The following ZFAND3 variants were observed in gnomAD, a reference collection of about 807,000 sequenced individuals.
The protein encoded by ZFAND3 is zinc finger AN1-type containing 3, also known as AN1-type zinc finger protein 3.
In ZFAND3, 10 loss-of-function variants were observed where a neutral mutation model predicts 29.6. The observed-to-expected ratio is 0.34, with a 90% CI of 0.21 to 0.57. ZFAND3 has a LOEUF of 0.57. Among genes scored for constraint, ZFAND3 ranks in the 20% least tolerant of loss-of-function variants. ZFAND3 has a pLI of 0.86. For missense variants in ZFAND3, 230 were observed against 304.5 expected (o/e 0.76, Z 1.82); for synonymous variants, 128 against 112.6 (o/e 1.14, Z -0.87).
At chr6:37,958,025 T>G (rs1475490869) in intron 2 of ZFAND3, among the ~76,000 whole-genome samples, 2 of 152,228 alleles carry the variant, frequency 1.3e-5, no homozygotes, top group Non-Finnish European at 2.9e-5. Flanking sequence ...TTTGGATTTT[T>G]TTTTCTTGGA....
chr6:38,049,295 A>G (rs1399236480), intron 2 of ZFAND3, among the ~76,000 whole-genome samples: 1 of 152,248 alleles, frequency 6.6e-6, no homozygotes, highest in Non-Finnish European at 1.5e-5. Flanking sequence ...AATAGCAATC[A>G]TGGTTAATCC....
At chr6:37,968,689 C>A (rs936538326) in intron 2 of ZFAND3, among the ~76,000 whole-genome samples, 3 of 152,080 alleles carry the variant, frequency 2.0e-5, no homozygotes, top group South Asian at 4.2e-4. Flanking sequence ...TATTCAAACC[C>A]TTCCCCCTTC....
chr6:37,981,942 A>G (rs2127432629), intron 2 of ZFAND3, among the ~76,000 whole-genome samples: 1 of 152,302 alleles, frequency 6.6e-6, no homozygotes, highest in East Asian at 1.9e-4. Flanking sequence ...TGGACAACTC[A>G]AAGTGGGGAG....
intron 1 of ZFAND3, among the ~76,000 whole-genome samples, chr6:37,875,634 ATT>A (rs71542144): frequency 4.7e-4 from 68 of 143,760 alleles, no homozygotes; most frequent in African/African-American, 9.6e-4. Flanking sequence ...TAATTTCTGT[ATT>A]TTTTTTTTTT....
At chr6:38,017,273 T>G (rs1763268158) in intron 2 of ZFAND3, among the ~76,000 whole-genome samples, 2 of 152,270 alleles carry the variant, frequency 1.3e-5, no homozygotes, top group Non-Finnish European at 2.9e-5. Context: ...ACTCACAGCT[T>G]ATGGAGGGAC....
intron 2 of ZFAND3, among the ~76,000 whole-genome samples, chr6:38,000,662 C>T (rs1283024873): frequency 6.6e-6 from 1 of 152,136 alleles, no homozygotes; most frequent in African/African-American, 2.4e-5. Context: ...CCTCCCATGA[C>T]ACGTAGGAAT....
intron 2 of ZFAND3, among the ~76,000 whole-genome samples, chr6:38,008,360 G>T (rs1199775683): frequency 6.6e-6 from 1 of 152,066 alleles, no homozygotes; most frequent in Non-Finnish European, 1.5e-5. Context: ...TTTCTATCTT[G>T]ATTTTATATT....
intron 1 of ZFAND3, among the ~76,000 whole-genome samples, chr6:37,893,514 C>T (rs1026542857): frequency 2.6e-5 from 4 of 152,088 alleles, no homozygotes; most frequent in Non-Finnish European, 5.9e-5. Context: ...AGTCTGCCTT[C>T]AAGTGATACT....
chr6:38,091,295 T>G (rs902723325), intron 4 of ZFAND3, among the ~76,000 whole-genome samples: 3 of 124,250 alleles, frequency 2.4e-5, no homozygotes, highest in African/African-American at 1.0e-4. Context: ...TTACAGCTGG[T>G]TTTTTTTTTT....
At chr6:37,940,621 C>T (rs72850828) in intron 2 of ZFAND3, among the ~76,000 whole-genome samples, 3 of 152,158 alleles carry the variant, frequency 2.0e-5, no homozygotes, top group African/African-American at 4.8e-5. Context: ...ATAGTACTGG[C>T]ATCTGCTTCT....
intron 4 of ZFAND3, among the ~76,000 whole-genome samples, chr6:38,091,494 T>C (rs1156857092): frequency 7.1e-6 from 1 of 140,674 alleles, no homozygotes. Context: ...TTTTTTTTTT[T>C]TTTTTTGGTG....
chr6:38,064,457 A>G (rs1304808735), intron 3 of ZFAND3, among the ~76,000 whole-genome samples: 1 of 152,230 alleles, frequency 6.6e-6, no homozygotes, highest in Admixed American at 6.5e-5. Flanking sequence ...AAACGAGTAG[A>G]TACCAGAACC....
At chr6:37,825,362 C>G (rs1763740336) in intron 1 of ZFAND3, among the ~76,000 whole-genome samples, 1 of 152,182 alleles carries the variant, frequency 6.6e-6, no homozygotes, top group Non-Finnish European at 1.5e-5. Flanking sequence ...TTTTACTTTG[C>G]ATCTTTGAGT....
chr6:37,969,968 C>T (rs544050531), intron 2 of ZFAND3, among the ~76,000 whole-genome samples: 10 of 152,150 alleles, frequency 6.6e-5, no homozygotes, highest in Middle Eastern at 3.4e-3. Context: ...GAGTTTGAGA[C>T]CAGCCTGGCC....
intron 2 of ZFAND3, among the ~76,000 whole-genome samples, chr6:38,031,051 C>G (rs1763549680): frequency 6.6e-6 from 1 of 152,152 alleles, no homozygotes; most frequent in South Asian, 2.1e-4. Context: ...TGTGATAGAT[C>G]AAGGATACAA....
intron 2 of ZFAND3, among the ~76,000 whole-genome samples, chr6:38,037,335 TCAG>T (rs1763678596): frequency 6.6e-6 from 1 of 152,242 alleles, no homozygotes; most frequent in African/African-American, 2.4e-5. Context: ...AAGCTGGCAA[TCAG>T]CAGTTCAGTA....
intron 1 of ZFAND3, among the ~76,000 whole-genome samples, chr6:37,901,972 C>A (rs1765326594): frequency 6.6e-6 from 1 of 152,164 alleles, no homozygotes; most frequent in Admixed American, 6.5e-5. Flanking sequence ...TGACATGTAA[C>A]ACTTGTAGCT....
intron 5 of ZFAND3, among the ~76,000 whole-genome samples, chr6:38,119,862 A>G (rs1438820389): frequency 2.0e-5 from 3 of 152,250 alleles, no homozygotes; most frequent in African/African-American, 7.2e-5. Context: ...GGGAACAGCT[A>G]GAGGTGATAG....
chr6:38,131,560 A>G lies in ZFAND3; in HGVS notation c.529+14821A>G, dbSNP rs1562011038. Among the ~76,000 whole-genome samples, 5 of 152,350 alleles carry G rather than the reference A, an allele frequency of 3.3e-5. No individual in the cohort carries two copies. In the South Asian group the frequency reaches 1.0e-3, roughly 32 times the overall value. On this transcript the variant is annotated intron_variant, in intron 5 of 5. Transcript: ENST00000287218. The stretch of plus-strand genomic sequence containing the variant: ...TGGAAATTGCAAATGAGTAGTACCC[A>G]CATCAATGAGGTTTCATATTGGTTC...
Sources: gnomAD v4.1 joint callset for allele counts (sites outside exome capture counted in the v4.1 genomes callset) on GRCh38, gnomAD v4.1.1 for gene constraint, MANE v1.5 for transcripts, NCBI Gene and HGNC (gene_info 2026-07-23, HGNC 2026-07-21) for gene names.